Variants in PCDH15 observed in about 807,000 individuals in gnomAD.
PCDH15 encodes protocadherin-15.
Under a neutral mutation model 178.5 loss-of-function variants are expected in PCDH15, and 129 were observed. The ratio of observed to expected loss-of-function variants is 0.72; its 90% confidence interval spans 0.63 to 0.84. The LOEUF (loss-of-function observed/expected upper bound fraction) is 0.84. Ranked by LOEUF, PCDH15 falls within the 40% of genes least tolerant of loss-of-function variation. The probability of loss-of-function intolerance (pLI) is 0.00; values close to 1 mark genes in which losing one functional copy is unlikely to be tolerated. For missense variants in PCDH15, 2,230 were observed against 2,099.9 expected (o/e 1.06, Z -1.21); for synonymous variants, 800 against 732.0 (o/e 1.09, Z -1.50).
intron 3 of PCDH15, among the ~76,000 whole-genome samples, chr10:54,430,691 G>T (rs565363920): frequency 6.6e-6 from 1 of 151,852 alleles, no homozygotes; most frequent in Admixed American, 6.6e-5. Flanking sequence ...ATCAAAAGAT[G>T]CATCTTATAA....
At chr10:55,305,990 C>T (rs1182706104) in intron 1 of PCDH15, among the ~76,000 whole-genome samples, 1 of 152,094 alleles carries the variant, frequency 6.6e-6, no homozygotes, top group East Asian at 1.9e-4. Context: ...TTATTTTTTA[C>T]ATTTAAAAAC....
At chr10:55,051,726 T>A (rs1841167807) in intron 2 of PCDH15, among the ~76,000 whole-genome samples, 1 of 152,190 alleles carries the variant, frequency 6.6e-6, no homozygotes, top group South Asian at 2.1e-4. Context: ...ATAAAAATGT[T>A]AAATGATTTG....
At chr10:53,991,986 T>G (rs1230940418) in intron 21 of PCDH15, among the ~76,000 whole-genome samples, 1 of 152,070 alleles carries the variant, frequency 6.6e-6, no homozygotes, top group East Asian at 1.9e-4. Flanking sequence ...GTGGAAGCGT[T>G]GTTCTTTTGC....
chr10:54,536,650 T>C (rs1379872262), intron 2 of PCDH15, among the ~76,000 whole-genome samples: 1 of 152,142 alleles, frequency 6.6e-6, no homozygotes, highest in Non-Finnish European at 1.5e-5. Context: ...TCTTCCACCC[T>C]CTCCCCTTTT....
chr10:55,236,348 C>T (rs1201474826), intron 1 of PCDH15, among the ~76,000 whole-genome samples: 1 of 151,924 alleles, frequency 6.6e-6, no homozygotes, highest in East Asian at 1.9e-4. Flanking sequence ...CAGAAATATT[C>T]CCTGGGATGT....
intron 6 of PCDH15, among the ~76,000 whole-genome samples, chr10:54,338,253 G>C (rs551724229): frequency 6.6e-6 from 1 of 152,086 alleles, no homozygotes; most frequent in Non-Finnish European, 1.5e-5. Context: ...AGTAAAATGA[G>C]AATATTATGA....
intron 2 of PCDH15, among the ~76,000 whole-genome samples, chr10:55,035,874 T>TTG (rs1840722981): frequency 1.3e-5 from 2 of 152,168 alleles, no homozygotes; most frequent in Admixed American, 1.3e-4. Context: ...TTTTTTATAA[T>TTG]ACTTTGGTCA....
intron 9 of PCDH15, among the ~76,000 whole-genome samples, chr10:54,232,990 A>C (rs1175755235): frequency 1.3e-5 from 2 of 149,574 alleles, no homozygotes; most frequent in Non-Finnish European, 3.0e-5. Context: ...GGCTGGAGTA[A>C]AATGATGTGA....
intron 2 of PCDH15, among the ~76,000 whole-genome samples, chr10:55,514,092 T>C (rs555995397): frequency 2.6e-5 from 4 of 152,222 alleles, no homozygotes; most frequent in African/African-American, 7.2e-5. Flanking sequence ...CATGAGTATA[T>C]AGTCACAATT....
At chr10:55,168,904 T>C (rs959260570) in intron 1 of PCDH15, among the ~76,000 whole-genome samples, 16 of 152,128 alleles carry the variant, frequency 1.1e-4, no homozygotes, top group Admixed American at 7.9e-4. Context: ...AGTTATAAAT[T>C]AGATCTTAAA....
intron 1 of PCDH15, among the ~76,000 whole-genome samples, chr10:55,207,983 C>A (rs1034405372): frequency 2.6e-5 from 4 of 151,914 alleles, no homozygotes; most frequent in Non-Finnish European, 5.9e-5. Flanking sequence ...AACAAACAAA[C>A]AAACAAAAAA....
rs535878041 is a variant in PCDH15 at position 55,237,673 on chromosome 10, G to T, written c.-155-71022C>A. ...ACATCAAACAGGAACTATTATTATT[G>T]CACAACTTTTAAGGGCAACCTGATT... On this transcript the variant is annotated intron_variant, in intron 1 of 5. Coordinates refer to the PCDH15 transcript ENST00000458638. Among the ~76,000 whole-genome samples the T allele has an allele frequency of 9.9e-5, 15 of 152,122 alleles. No individual in the cohort carries two copies. The East Asian group carries it at 2.7e-3, about 27-fold the overall frequency.
chr10:54,991,188 G>C (rs567600690), intron 2 of PCDH15, among the ~76,000 whole-genome samples: 74 of 152,166 alleles, frequency 4.9e-4, no homozygotes, highest in African/African-American at 1.6e-3. Context: ...CAATAGTATT[G>C]ACCACTGTCT....
intron 15 of PCDH15, among the ~76,000 whole-genome samples, chr10:54,127,968 G>A (rs1564485522): frequency 2.0e-5 from 3 of 152,046 alleles, no homozygotes; most frequent in Middle Eastern, 3.4e-3. Context: ...TATTTCTAAG[G>A]ACTGGGAACA....
At chr10:55,332,489 C>A (rs115143104) in intron 2 of PCDH15, among the ~76,000 whole-genome samples, 1 of 152,076 alleles carries the variant, frequency 6.6e-6, no homozygotes, top group African/African-American at 2.4e-5. Flanking sequence ...AAAAATATAT[C>A]TCATATTGAT....
At chr10:54,381,936 G>A (rs1209321553) in intron 3 of PCDH15, among the ~76,000 whole-genome samples, 2 of 151,926 alleles carry the variant, frequency 1.3e-5, no homozygotes, top group Non-Finnish European at 2.9e-5. Context: ...ATTTACCCTC[G>A]ATTTTTCTCC....
intron 2 of PCDH15, among the ~76,000 whole-genome samples, chr10:55,583,713 C>T (rs1045275746): frequency 9.2e-5 from 14 of 152,076 alleles, no homozygotes; most frequent in East Asian, 3.9e-4. Context: ...GGATTACAGG[C>T]GTAAGCCACT....
intron 5 of PCDH15, among the ~76,000 whole-genome samples, chr10:54,350,023 G>C (rs1314566387): frequency 6.6e-6 from 1 of 151,892 alleles, no homozygotes; most frequent in Admixed American, 6.6e-5. Flanking sequence ...GAAAATAAAA[G>C]AGAAACAATT....
At chr10:54,904,370 T>G (rs2131828410) in intron 2 of PCDH15, among the ~76,000 whole-genome samples, 1 of 152,162 alleles carries the variant, frequency 6.6e-6, no homozygotes, top group African/African-American at 2.4e-5. Flanking sequence ...GAGAAGAGAC[T>G]ATCTAGTTAC....
Sources: gnomAD v4.1 joint callset for allele counts (sites outside exome capture counted in the v4.1 genomes callset) on GRCh38, gnomAD v4.1.1 for gene constraint, MANE v1.5 for transcripts, NCBI Gene and HGNC (gene_info 2026-07-23, HGNC 2026-07-21) for gene names.